Variants in KAZN observed in about 807,000 individuals in gnomAD.
KAZN encodes kazrin, periplakin interacting protein.
A neutral mutation model predicts 87.4 loss-of-function variants in KAZN; 40 were observed. That is an observed-to-expected ratio of 0.46 (90% CI 0.36 to 0.60). KAZN has a LOEUF of 0.60. Ranked by LOEUF, KAZN falls within the 20% of genes least tolerant of loss-of-function variation. KAZN has a pLI of 0.00. For synonymous variants in KAZN, 466 were observed against 458.3 expected, an observed-to-expected ratio of 1.02 and a Z score of -0.22; for missense variants, 898 against 1,073.9, an observed-to-expected ratio of 0.84 and a Z score of 2.29.
chr1:14,871,426 C>T (rs535954048), intron 1 of KAZN, among the ~76,000 whole-genome samples: 3 of 152,068 alleles, frequency 2.0e-5, no homozygotes, highest in African/African-American at 7.2e-5. Context: ...GCTTCCTCTT[C>T]GAATAGGAAT....
At chr1:14,344,287 T>C (rs2794610) in intron 2 of KAZN, among the ~76,000 whole-genome samples, 17,004 of 151,480 alleles carry the variant, frequency 0.11, 1,123 homozygotes, top group East Asian at 0.25. Flanking sequence ...CACTGAGATG[T>C]GCTGGAATTA....
At position 14,769,261 on chromosome 1, in the gene KAZN, A is replaced by G. The variant is rs77167532; in HGVS notation, c.226+170038A>G. Among the ~76,000 whole-genome samples, 7,109 of 151,980 alleles carry G rather than the reference A, an allele frequency of 0.047. 321 individuals are homozygous for G. The highest frequency in any genetic ancestry group is 0.11 in the African/African-American group (4,641 of 41,432). The stretch of plus-strand genomic sequence containing the variant: ...TGCTTGGGTTAGGATCATCAATGTC[A>G]CCCCCATCTGAATTGCAGAACCACG... On this transcript the variant is annotated intron_variant, in intron 1 of 14. Transcript: ENST00000376030. The surrounding 1 kb of genome is among the most constrained non-coding windows in gnomAD (Gnocchi z 4.1).
At chr1:14,511,640 A>G (rs1670912559) in intron 2 of KAZN, among the ~76,000 whole-genome samples, 1 of 152,228 alleles carries the variant, frequency 6.6e-6, no homozygotes, top group Admixed American at 6.5e-5. Flanking sequence ...CGGACAACAT[A>G]TTCTGAACAA....
At chr1:14,886,425 TACAC>T (rs1184748565) in intron 1 of KAZN, among the ~76,000 whole-genome samples, 1 of 139,822 alleles carries the variant, frequency 7.2e-6, no homozygotes, top group African/African-American at 2.6e-5. Flanking sequence ...CTTGTCTCTA[TACAC>T]ACACACATAC....
intron 2 of KAZN, among the ~76,000 whole-genome samples, chr1:14,186,331 G>A (rs537783663): frequency 2.6e-5 from 4 of 152,238 alleles, no homozygotes; most frequent in Admixed American, 6.5e-5. Context: ...GTGAGGATTC[G>A]GTTAGGATTC....
At position 14,891,058 on chromosome 1, in the gene KAZN, A is replaced by G. The variant is rs1173627701; in HGVS notation, c.227-69626A>G. Among the ~76,000 whole-genome samples, 4 of 148,074 alleles carry G rather than the reference A, an allele frequency of 2.7e-5. No individual in the cohort carries two copies. The East Asian group carries it at 8.1e-4, about 30-fold the overall frequency. Reference sequence around the variant, plus strand: ...ATGGAGTTTCACCGTGTTAGCCAGGATGGTCTCGATCTCCTGACCTCGTGA... The same window carrying G: ...ATGGAGTTTCACCGTGTTAGCCAGGGTGGTCTCGATCTCCTGACCTCGTGA... On this transcript the variant is annotated intron_variant, in intron 1 of 14. Transcript: ENST00000376030.
At chr1:14,826,739 C>T (rs544211057) in intron 1 of KAZN, among the ~76,000 whole-genome samples, 3 of 152,288 alleles carry the variant, frequency 2.0e-5, no homozygotes. Context: ...CCAACATGCA[C>T]CTGCTGAAGG....
At chr1:14,879,172 G>A (rs531573377) in intron 1 of KAZN, among the ~76,000 whole-genome samples, 1 of 152,314 alleles carries the variant, frequency 6.6e-6, no homozygotes, top group East Asian at 1.9e-4. Flanking sequence ...CGGTCCCTGA[G>A]TGCTGACCTT....
intron 1 of KAZN, among the ~76,000 whole-genome samples, chr1:14,703,909 A>G (rs1250412786): frequency 6.6e-6 from 1 of 152,198 alleles, no homozygotes; most frequent in Non-Finnish European, 1.5e-5. Flanking sequence ...ATAAAAAAGA[A>G]TAGATTGACC....
intron 2 of KAZN, among the ~76,000 whole-genome samples, chr1:14,465,654 A>G (rs2148357627): frequency 6.6e-6 from 1 of 152,272 alleles, no homozygotes; most frequent in East Asian, 1.9e-4. Flanking sequence ...TCTGTTGGCC[A>G]AACAAGTCAC....
intron 1 of KAZN, among the ~76,000 whole-genome samples, chr1:14,681,678 T>A (rs1480650265): frequency 2.2e-5 from 1 of 45,258 alleles, no homozygotes; most frequent in African/African-American, 8.4e-5. Flanking sequence ...TTTTTTTTTT[T>A]TTTTTTTTTT....
chr1:14,585,006 C>T (rs1315671153), intron 2 of KAZN, among the ~76,000 whole-genome samples: 1 of 152,006 alleles, frequency 6.6e-6, no homozygotes, highest in African/African-American at 2.4e-5. Flanking sequence ...GGTCCTAATC[C>T]AACACAACTG....
intron 2 of KAZN, among the ~76,000 whole-genome samples, chr1:14,308,087 AAC>A (rs1655047306): frequency 6.6e-6 from 1 of 152,358 alleles, no homozygotes; most frequent in African/African-American, 2.4e-5. Context: ...AAGTTCAGGA[AAC>A]ACAAAGAAAG....
intron 2 of KAZN, among the ~76,000 whole-genome samples, chr1:14,491,289 T>C (rs1669632430): frequency 6.6e-6 from 1 of 152,218 alleles, no homozygotes; most frequent in Non-Finnish European, 1.5e-5. Flanking sequence ...CTCTAAGAGA[T>C]TTACAAGTTA....
intron 1 of KAZN, among the ~76,000 whole-genome samples, chr1:14,105,251 T>C (rs143779433): frequency 2.6e-5 from 4 of 152,262 alleles, no homozygotes; most frequent in African/African-American, 9.6e-5. Context: ...TCAGGATCTG[T>C]TGAGTGTGTA....
chr1:14,568,714 G>C (rs1039494922), intron 2 of KAZN, among the ~76,000 whole-genome samples: 4 of 152,166 alleles, frequency 2.6e-5, no homozygotes, highest in Non-Finnish European at 5.9e-5. Context: ...TCAGCCTCTT[G>C]ATACCCTGAG....
intron 1 of KAZN, chr1:14,930,190 C>T (rs945985516): frequency 1.2e-5 from 7 of 563,090 alleles, no homozygotes; most frequent in African/African-American, 6.1e-5. Flanking sequence ...ACACCCTCCA[C>T]CTGGCACCAG....
intron 1 of KAZN, among the ~76,000 whole-genome samples, chr1:14,712,979 T>A (rs1024181705): frequency 1.3e-5 from 2 of 152,184 alleles, no homozygotes; most frequent in African/African-American, 4.8e-5. Flanking sequence ...TGTTTTTTAA[T>A]GCCGCACTGC....
intron 2 of KAZN, among the ~76,000 whole-genome samples, chr1:15,008,834 C>G (rs1669295635): frequency 6.6e-6 from 1 of 152,178 alleles, no homozygotes; most frequent in African/African-American, 2.4e-5. Context: ...AGGCTGAGGT[C>G]CCATTCCCCT....
Sources: gnomAD v4.1 joint callset for allele counts (sites outside exome capture counted in the v4.1 genomes callset) on GRCh38, gnomAD v4.1.1 for gene constraint, Gnocchi (gnomAD v3.1) non-coding constraint, MANE v1.5 for transcripts, NCBI Gene and HGNC (gene_info 2026-07-23, HGNC 2026-07-21) for gene names.